SCFD2: variants seen among roughly 807,000 people sequenced by gnomAD.
The protein encoded by SCFD2 is sec1 family domain-containing protein 2.
In SCFD2, 54 loss-of-function variants were observed where a neutral mutation model predicts 58.9. The observed-to-expected ratio is 0.92, with a 90% CI of 0.74 to 1.15. SCFD2 has a LOEUF of 1.15. SCFD2 is among the 50% of genes most tolerant of loss of function. The probability of loss-of-function intolerance (pLI) is 0.00; values close to 1 mark genes in which losing one functional copy is unlikely to be tolerated. For synonymous variants in SCFD2, 321 were observed against 335.9 expected (o/e 0.96, Z 0.49); for missense variants, 805 against 836.6 (o/e 0.96, Z 0.47).
At chr4:53,116,469 G>A (rs1412802869) in intron 5 of SCFD2, among the ~76,000 whole-genome samples, 2 of 152,160 alleles carry the variant, frequency 1.3e-5, no homozygotes, top group African/African-American at 4.8e-5. Flanking sequence ...CACTTTATTG[G>A]TAGAAGTAAA....
At chr4:53,110,108 C>G (rs547604207) in intron 5 of SCFD2, among the ~76,000 whole-genome samples, 2 of 149,222 alleles carry the variant, frequency 1.3e-5, no homozygotes, top group South Asian at 4.3e-4. Flanking sequence ...ACCATCTGAT[C>G]TTTAACAAAT....
chr4:52,885,731 A>G lies in SCFD2; in HGVS notation c.1962+16T>C. ...CTACTTCTGAGCTCTTGTTCAAAGC[A>G]TGGAGGACTCAGTACCTGGGTTCCT... On this transcript the variant is annotated intron_variant, in intron 8 of 8. Coordinates refer to ENST00000401642, the MANE Select transcript of SCFD2 (RefSeq NM_152540.4). 1 of 1,613,488 alleles carries G rather than the reference A, an allele frequency of 6.2e-7. No homozygotes were observed. Among genetic ancestry groups the G allele is most frequent in the Non-Finnish European group, 8.5e-7 (1 of 1,179,628 alleles).
At chr4:53,239,514 C>G (rs573003382) in intron 4 of SCFD2, among the ~76,000 whole-genome samples, 1 of 152,072 alleles carries the variant, frequency 6.6e-6, no homozygotes, top group Non-Finnish European at 1.5e-5. Context: ...GACGGAGTTT[C>G]GCTCTTGTTG....
At chr4:52,879,670 C>T (rs2109440972) in intron 8 of SCFD2, among the ~76,000 whole-genome samples, 1 of 152,322 alleles carries the variant, frequency 6.6e-6, no homozygotes, top group South Asian at 2.1e-4. Flanking sequence ...GCCCTGAACT[C>T]CACATGGGCA....
rs569884533 is a variant in SCFD2 at position 53,219,624 on chromosome 4, G to A, written c.1311+54202C>T. On this transcript the variant is annotated intron_variant, in intron 4 of 8. Coordinates refer to ENST00000401642, the MANE Select transcript of SCFD2 (RefSeq NM_152540.4). ...CTTGCCCTGCTTCAGCTCACACTCG[G>A]TGGGCTGCACCCACTGTCCTGCCCC... Among the ~76,000 whole-genome samples, 18 of 152,116 alleles carry A rather than the reference G, an allele frequency of 1.2e-4. No individual in the cohort carries two copies. The East Asian group carries it at 3.5e-3, about 30-fold the overall frequency.
At chr4:53,130,282 A>T (rs1725749846) in intron 5 of SCFD2, among the ~76,000 whole-genome samples, 3 of 152,222 alleles carry the variant, frequency 2.0e-5, no homozygotes, top group Admixed American at 2.0e-4. Flanking sequence ...CCATACAATT[A>T]TTGTTAGGCA....
At chr4:53,055,767 A>C (rs1214159152) in intron 5 of SCFD2, among the ~76,000 whole-genome samples, 1 of 152,148 alleles carries the variant, frequency 6.6e-6, no homozygotes, top group Non-Finnish European at 1.5e-5. Context: ...ACCAAATGCC[A>C]TCTGGTTTAT....
At chr4:53,246,025 A>T (rs1219335228) in intron 4 of SCFD2, among the ~76,000 whole-genome samples, 1 of 152,166 alleles carries the variant, frequency 6.6e-6, no homozygotes, top group African/African-American at 2.4e-5. Flanking sequence ...GTGTACAAAA[A>T]TCACTATCAT....
intron 5 of SCFD2, among the ~76,000 whole-genome samples, chr4:53,103,948 A>G (rs1443132928): frequency 6.6e-6 from 1 of 151,574 alleles, no homozygotes; most frequent in African/African-American, 2.4e-5. Context: ...AACCCAAAAT[A>G]CAAAATAAAT....
At position 53,304,207 on chromosome 4, in the gene SCFD2, G is replaced by C. The variant is rs182979615; in HGVS notation, c.1135+9429C>G. Among the ~76,000 whole-genome samples the C allele has an allele frequency of 5.9e-5, 9 of 152,156 alleles. No homozygotes were observed. The East Asian group carries it at 1.7e-3, about 29-fold the overall frequency. On this transcript the variant is annotated intron_variant, in intron 3 of 8. Coordinates refer to ENST00000401642, the MANE Select transcript of SCFD2 (RefSeq NM_152540.4). ...CTGCCAAGAGATCCACTGTTAGTCT[G>C]ATGGGTTTCCCTTTGTGGGTAACCC... is the stretch of plus-strand genomic sequence containing the variant.
chr4:53,068,198 A>T (rs1242823692), intron 5 of SCFD2, among the ~76,000 whole-genome samples: 2 of 152,104 alleles, frequency 1.3e-5, no homozygotes, highest in Non-Finnish European at 2.9e-5. Flanking sequence ...GGTTTACAGA[A>T]ATATTAAGAA....
At chr4:53,254,160 T>C (rs1730508862) in intron 4 of SCFD2, among the ~76,000 whole-genome samples, 2 of 152,170 alleles carry the variant, frequency 1.3e-5, no homozygotes, top group Admixed American at 1.3e-4. Flanking sequence ...GAATGAATGA[T>C]ATGATTTGGC....
At position 52,902,547 on chromosome 4, in the gene SCFD2, T is replaced by A. The variant is rs946982562; in HGVS notation, c.1842+4910A>T. ...GTGCCCCAAATGCTTGAGCACTGGC[T>A]ATGTACAGGCATACAAGGGTATTCA... is the stretch of plus-strand genomic sequence containing the variant. On this transcript the variant is annotated intron_variant, in intron 7 of 8. Coordinates refer to ENST00000401642, the MANE Select transcript of SCFD2 (RefSeq NM_152540.4). 3.9e-5 allele frequency among the ~76,000 whole-genome samples: 6 copies of A among 152,376 alleles called. No homozygotes were observed. In the East Asian group the frequency reaches 7.7e-4, roughly 20 times the overall value.
intron 5 of SCFD2, among the ~76,000 whole-genome samples, chr4:53,051,398 C>G (rs1458741797): frequency 6.6e-6 from 1 of 152,040 alleles, no homozygotes; most frequent in Non-Finnish European, 1.5e-5. Context: ...CTTCCAGGAC[C>G]AGCAACGGAG....
intron 5 of SCFD2, among the ~76,000 whole-genome samples, chr4:53,015,103 GA>G (rs1254021777): frequency 1.5e-3 from 226 of 152,272 alleles, no homozygotes; most frequent in African/African-American, 5.3e-3. Context: ...GTGTTAAAAT[GA>G]CCAGCTGTAT....
intron 4 of SCFD2, among the ~76,000 whole-genome samples, chr4:53,200,650 C>T (rs1728202699): frequency 6.6e-6 from 1 of 152,062 alleles, no homozygotes; most frequent in Non-Finnish European, 1.5e-5. Context: ...AAAACTTTTC[C>T]TCTATGAGGT....
intron 4 of SCFD2, among the ~76,000 whole-genome samples, chr4:53,154,862 A>G (rs1301402089): frequency 6.6e-6 from 1 of 152,246 alleles, no homozygotes; most frequent in Non-Finnish European, 1.5e-5. Flanking sequence ...ATGAAGAATC[A>G]GAGAGATTCA....
At chr4:53,088,093 A>G (rs970128093) in intron 5 of SCFD2, among the ~76,000 whole-genome samples, 1 of 152,256 alleles carries the variant, frequency 6.6e-6, no homozygotes, top group African/African-American at 2.4e-5. Context: ...GTAAAGATTT[A>G]GAAAATTCTT....
chr4:53,279,445 G>A (rs1731439538), intron 3 of SCFD2, among the ~76,000 whole-genome samples: 1 of 152,040 alleles, frequency 6.6e-6, no homozygotes, highest in South Asian at 2.1e-4. Flanking sequence ...AGAGAAACAG[G>A]CTTCTGGTTT....
Sources: gnomAD v4.1 joint callset for allele counts (sites outside exome capture counted in the v4.1 genomes callset) on GRCh38, gnomAD v4.1.1 for gene constraint, MANE v1.5 for transcripts, NCBI Gene and HGNC (gene_info 2026-07-23, HGNC 2026-07-21) for gene names.